The following CREB3L2 variants were observed in gnomAD, a reference collection of about 807,000 sequenced individuals.
CREB3L2 encodes cAMP responsive element binding protein 3 like 2.
CREB3L2 carries 23 observed loss-of-function variants against 57.2 expected under a neutral mutation model. The ratio of observed to expected loss-of-function variants is 0.40; its 90% CI spans 0.29 to 0.57. The LOEUF (loss-of-function observed/expected upper bound fraction) is 0.57. Among genes scored for constraint, CREB3L2 ranks in the 20% least tolerant of loss-of-function variants. The probability of loss-of-function intolerance (pLI) is 0.42; values close to 1 mark genes in which losing one functional copy is unlikely to be tolerated. For missense variants in CREB3L2, 628 were observed against 634.7 expected (o/e 0.99, Z 0.11); for synonymous variants, 268 against 265.1 (o/e 1.01, Z -0.11).
At chr7:137,896,487 T>C (rs920453962) in intron 8 of CREB3L2, among the ~76,000 whole-genome samples, 12 of 152,050 alleles carry the variant, frequency 7.9e-5, no homozygotes, top group Non-Finnish European at 1.6e-4. Flanking sequence ...TTTTAGTAGA[T>C]ATGGGGTTTC....
intron 2 of CREB3L2, among the ~76,000 whole-genome samples, chr7:137,927,158 A>T (rs1800484717): frequency 6.6e-6 from 1 of 151,692 alleles, no homozygotes; most frequent in Admixed American, 6.6e-5. Context: ...GACCCTGTCT[A>T]AAAAAGAAAG....
chr7:137,894,716 G>A (rs970480930), intron 8 of CREB3L2, among the ~76,000 whole-genome samples: 1 of 152,210 alleles, frequency 6.6e-6, no homozygotes, highest in African/African-American at 2.4e-5. Flanking sequence ...CACATCCCAT[G>A]GAGGGGGACA....
chr7:137,884,840 G>C (rs1799375369), intron 10 of CREB3L2, 155 bp downstream of exon 10: 1 of 1,058,324 alleles, frequency 9.4e-7, no homozygotes, highest in African/African-American at 1.6e-5. Context: ...AGGGGCCCCA[G>C]GGGAACCCCC....
chr7:137,936,918 C>T (rs771279233), intron 1 of CREB3L2, among the ~76,000 whole-genome samples: 9 of 152,322 alleles, frequency 5.9e-5, no homozygotes, highest in Non-Finnish European at 1.2e-4. Flanking sequence ...CCTCTTTCTG[C>T]CTCCCGGGTT....
chr7:137,920,217 G>A (rs139351921), intron 2 of CREB3L2, among the ~76,000 whole-genome samples: 10 of 152,328 alleles, frequency 6.6e-5, no homozygotes, highest in African/African-American at 2.2e-4. Context: ...GCTTGGTCCT[G>A]TGGCTTGATG....
intron 2 of CREB3L2, chr7:137,922,787 T>A (rs1361422455): frequency 2.4e-5 from 6 of 252,476 alleles, no homozygotes; most frequent in African/African-American, 1.4e-4. Flanking sequence ...AAAGAAAATT[T>A]TATAAATTAA....
At position 137,915,997 on chromosome 7, in the gene CREB3L2, T is replaced by C. The variant is rs1303941210; in HGVS notation, c.335A>G (p.Glu112Gly). 12 of 1,612,910 alleles carry C rather than the reference T, an allele frequency of 7.4e-6. No homozygotes were observed. Among genetic ancestry groups the C allele is most frequent in the Non-Finnish European group, 1.0e-5 (12 of 1,179,542 alleles). Reference sequence around the variant, plus strand: ...GAAGTCTGTAGACAGGTACCATTTCTCACTTTCCACCTCATCTGCAGGAAA... The same window carrying C: ...GAAGTCTGTAGACAGGTACCATTTCCCACTTTCCACCTCATCTGCAGGAAA... ...DSFNDDEVESEKWYLSTDFPS... is the reference protein window; with the variant it reads ...DSFNDDEVESGKWYLSTDFPS... Residue 112 changes from glutamate to glycine, a missense_variant, in exon 3 of 12, where the codon GAG becomes GGG. By Grantham distance (98) the Glu-to-Gly change is moderately conservative. Coordinates refer to ENST00000330387, the MANE Select transcript of CREB3L2 (RefSeq NM_194071.4).
At chr7:137,917,842 T>C (rs1006083426) in intron 2 of CREB3L2, among the ~76,000 whole-genome samples, 3 of 152,114 alleles carry the variant, frequency 2.0e-5, no homozygotes, top group African/African-American at 7.2e-5. Flanking sequence ...TGTTTTGCTT[T>C]TAGAGTGGGG....
intron 3 of CREB3L2, among the ~76,000 whole-genome samples, chr7:137,913,568 T>C (rs964128621): frequency 1.0e-4 from 15 of 149,638 alleles, no homozygotes; most frequent in African/African-American, 2.9e-4. Context: ...AACTCTAAAG[T>C]TGAAAGCCAA....
chr7:137,930,606 A>G (rs367726445), intron 1 of CREB3L2, among the ~76,000 whole-genome samples: 33 of 152,354 alleles, frequency 2.2e-4, no homozygotes, highest in African/African-American at 7.5e-4. Flanking sequence ...CTCAGTCCCT[A>G]AAGAGTTAGA....
At chr7:137,987,389 CA>C (rs1170596903) in intron 1 of CREB3L2, among the ~76,000 whole-genome samples, 4 of 147,392 alleles carry the variant, frequency 2.7e-5, no homozygotes, top group East Asian at 3.9e-4. Flanking sequence ...TTTTCAGTAG[CA>C]AAAAAAAACA....
In CREB3L2 at chr7:137,913,003, A is replaced by C; in HGVS notation, c.571T>G (p.Ser191Ala). The C allele has an allele frequency of 6.2e-7, 1 of 1,613,894 alleles. No individual in the cohort carries two copies. Among genetic ancestry groups the C allele is most frequent in the Non-Finnish European group, 8.5e-7 (1 of 1,179,790 alleles). Residue 191 changes from serine to alanine, a missense_variant, in exon 4 of 12, where the codon TCT becomes GCT. Physicochemically the swap from Ser to Ala is moderately conservative, Grantham distance 99 (BLOSUM62 1). This residue lies in a region of CREB3L2 where 339 missense variants were observed against 355.4 expected (regional missense o/e 0.95). Transcript: ENST00000330387. ...AGGGCAGACAGACCTTCTTTAGGAG[A>C]GAAGTTTAGAAACTGATCCACTTCA... ...PHEVDQFLNF[S>A]PKEAPVDHLH...
chr7:137,961,559 G>A (rs1250731209), intron 1 of CREB3L2, among the ~76,000 whole-genome samples: 1 of 152,050 alleles, frequency 6.6e-6, no homozygotes, highest in Non-Finnish European at 1.5e-5. Flanking sequence ...CGTCTTCTGT[G>A]GATCCAACCT....
chr7:137,997,390 A>G (rs1802003868), intron 1 of CREB3L2, among the ~76,000 whole-genome samples: 1 of 152,202 alleles, frequency 6.6e-6, no homozygotes, highest in African/African-American at 2.4e-5. Context: ...CATATATAAA[A>G]TACATTTTAA....
At chr7:137,994,770 C>A (rs1300523458) in intron 1 of CREB3L2, among the ~76,000 whole-genome samples, 1 of 152,134 alleles carries the variant, frequency 6.6e-6, no homozygotes, top group East Asian at 1.9e-4. Flanking sequence ...CATAAGGAGA[C>A]CCTGTCTCTA....
chr7:137,923,000 T>C (rs1800369910), intron 2 of CREB3L2, among the ~76,000 whole-genome samples: 1 of 152,162 alleles, frequency 6.6e-6, no homozygotes, highest in Non-Finnish European at 1.5e-5. Flanking sequence ...GCCCACTACA[T>C]GCTCCAATGG....
In CREB3L2 at chr7:137,877,128, TC is replaced by T. The variant is rs1799172206; in HGVS notation, c.*3347del. 1 of 228,324 alleles carries T rather than the reference TC, an allele frequency of 4.4e-6. No homozygotes were observed. The highest frequency in any genetic ancestry group is 5.7e-5 in the Admixed American group (1 of 17,554). 14.1% of individuals were successfully genotyped at this position (228,324 alleles called of 1,614,324 possible). The stretch of plus-strand genomic sequence containing the variant: ...AGAACAAAGAAGAGCCAATTCAACA[TC>T]CCAACTTTACGGGCACGTAAGATTC... On this transcript the variant is annotated 3_prime_UTR_variant, in exon 12 of 12. Transcript: ENST00000330387.
In CREB3L2 at chr7:137,905,816, T is replaced by C. The variant is rs371181431; in HGVS notation, c.801A>G (p.Thr267=). Residue 267 remains threonine (T), a synonymous_variant, in exon 6 of 12, where the codon ACA becomes ACG. Transcript: ENST00000330387. ...CGATCAGGGTCCTCTTCTCCTCCTC[T>C]GTCAGGACCAGAGGGCCTGATCCCT... The part of the protein sequence containing the change: ...KLQGSGPLVL[T]EEEKRTLIAE... The C allele has an allele frequency of 3.1e-5, 50 of 1,614,098 alleles. No homozygotes were observed. Among genetic ancestry groups the C allele is most frequent in the Non-Finnish European group, 4.2e-5 (49 of 1,179,978 alleles).
At position 137,929,848 on chromosome 7, in the gene CREB3L2, A is replaced by G. The variant is rs993180654; in HGVS notation, c.103-1482T>C. On this transcript the variant is annotated intron_variant, in intron 1 of 11. Transcript: ENST00000330387. ...CGAGCCACTGCACTCCAGCCCGGGCAACAGTGCAAGACTCCATCTCAAAAT... is the reference window on the plus strand; with the variant it reads ...CGAGCCACTGCACTCCAGCCCGGGCGACAGTGCAAGACTCCATCTCAAAAT... Among the ~76,000 whole-genome samples the G allele has an allele frequency of 1.2e-4, 18 of 150,042 alleles. No individual in the cohort carries two copies. In the East Asian group the frequency reaches 2.2e-3, roughly 19 times the overall value.
Sources: allele counts gnomAD v4.1 joint callset (sites outside exome capture counted in the v4.1 genomes callset), GRCh38; gene constraint gnomAD v4.1.1; regional missense constraint gnomAD v4.1.1; transcripts MANE v1.5; gene names NCBI Gene and HGNC (gene_info 2026-07-23, HGNC 2026-07-21).